HGD: variants seen among roughly 807,000 people sequenced by gnomAD.
The protein encoded by HGD is homogentisate oxidase.
HGD carries 61 observed loss-of-function variants against 60.8 expected under a neutral mutation model. The observed-to-expected ratio is 1.00, with a 90% CI of 0.82 to 1.24. The LOEUF is 1.24. HGD is among the 50% of genes most tolerant of loss of function. The pLI is 0.00. For missense variants in HGD, 542 were observed against 547.1 expected (o/e 0.99, Z 0.09); for synonymous variants, 212 against 187.7 (o/e 1.13, Z -1.06).
intron 4 of HGD, among the ~76,000 whole-genome samples, chr3:120,661,242 G>A (rs1438004010): frequency 2.0e-5 from 3 of 152,032 alleles, no homozygotes; most frequent in Non-Finnish European, 4.4e-5. Context: ...TCCTTTTAAT[G>A]GTCTTGTACC....
rs761067152 is a variant in HGD, at chr3:120,638,598, AGAGACT to A, written c.880-23_880-18del. 4.3e-5 allele frequency: 70 copies of A among 1,613,586 alleles called. No individual in the cohort carries two copies. The highest frequency in any genetic ancestry group is 5.3e-5 in the Non-Finnish European group (63 of 1,179,818). On this transcript the variant is annotated intron_variant, in intron 11 of 13. Transcript: ENST00000283871. ...GGATGGGTCCTGTGAACACACAAGG[AGAGACT>A]GAACGCATGATGCAAGGGAAGTGAC... is the stretch of plus-strand genomic sequence containing the variant.
intron 11 of HGD, 60 bp from the exon 12 acceptor site, chr3:120,638,641 A>G: frequency 1.2e-6 from 2 of 1,600,648 alleles, no homozygotes. Flanking sequence ...GGACAATGAC[A>G]CACATTTCAT....
At chr3:120,646,940 G>C in intron 8 of HGD, 33 bp downstream of exon 8, 3 of 1,534,310 alleles carry the variant, frequency 2.0e-6, no homozygotes, top group Non-Finnish European at 2.7e-6. Context: ...AAATTAGTGA[G>C]AGGCAGGGAA....
chr3:120,662,089 T>G (rs1240476090), intron 4 of HGD, among the ~76,000 whole-genome samples: 1 of 152,150 alleles, frequency 6.6e-6, no homozygotes, highest in Admixed American at 6.5e-5. Context: ...TGACGATGGT[T>G]CTAGTGTGAC....
chr3:120,674,835 A>C, intron 3 of HGD, 66 bp downstream of exon 3: 1 of 1,051,832 alleles, frequency 9.5e-7, no homozygotes, highest in Non-Finnish European at 1.5e-6. Context: ...CAGGGGAAGG[A>C]GGCAGCACAA....
chr3:120,644,185 C>T (rs1941083527), intron 10 of HGD, 134 bp downstream of exon 10: 2 of 1,029,544 alleles, frequency 1.9e-6, no homozygotes, highest in African/African-American at 1.6e-5. Flanking sequence ...GAACTATTTG[C>T]TTTATTTGTA....
At chr3:120,655,763 A>G (rs945619040) in intron 4 of HGD, among the ~76,000 whole-genome samples, 3 of 152,192 alleles carry the variant, frequency 2.0e-5, no homozygotes, top group Non-Finnish European at 2.9e-5. Flanking sequence ...GAGTGCACTG[A>G]AGACTTGGTT....
chr3:120,661,880 G>A (rs954650266), intron 4 of HGD, among the ~76,000 whole-genome samples: 1 of 152,290 alleles, frequency 6.6e-6, no homozygotes, highest in East Asian at 1.9e-4. Context: ...AAATACTTGC[G>A]ATTCTATTTG....
intron 4 of HGD, among the ~76,000 whole-genome samples, chr3:120,665,439 G>T (rs972340584): frequency 6.6e-6 from 1 of 152,186 alleles, no homozygotes; most frequent in African/African-American, 2.4e-5. Flanking sequence ...AATTCTAGCT[G>T]AAATCTGTAA....
intron 8 of HGD, 147 bp from the exon 9 acceptor site, chr3:120,646,513 A>G: frequency 1.5e-6 from 1 of 658,006 alleles, no homozygotes; most frequent in East Asian, 2.7e-5. Flanking sequence ...CAAACATGAA[A>G]AACTGAATTT....
intron 6 of HGD, among the ~76,000 whole-genome samples, chr3:120,649,075 G>T (rs1168706533): frequency 6.6e-6 from 1 of 151,118 alleles, no homozygotes; most frequent in Non-Finnish European, 1.5e-5. Context: ...CTCTTGTTTA[G>T]GTTCCTAATT....
chr3:120,647,009 C>T lies in HGD; in HGVS notation c.513G>A (p.Lys171=). Residue 171 remains lysine (K), a synonymous_variant, in exon 8 of 14, where the codon AAG becomes AAA. Coordinates refer to ENST00000283871, the MANE Select transcript of HGD (RefSeq NM_000187.4). ...AGATCTCATTGGGCTGTACAAGCAT[C>T]TTGCCAAACTCGGTGTAAATGAGAA... is the stretch of plus-strand genomic sequence containing the variant. ...GNLLIYTEFG[K]MLVQPNEICV... The T allele has an allele frequency of 6.2e-7, 1 of 1,614,116 alleles. No individual in the cohort carries two copies. The highest frequency in any genetic ancestry group is 8.5e-7 in the Non-Finnish European group (1 of 1,179,980).
At chr3:120,672,974 G>A (rs1200129508) in intron 3 of HGD, among the ~76,000 whole-genome samples, 7 of 152,182 alleles carry the variant, frequency 4.6e-5, no homozygotes, top group African/African-American at 1.2e-4. Flanking sequence ...AGGTAGGTAC[G>A]TAGGTAGGTA....
chr3:120,668,195 A>C (rs1345090089), intron 4 of HGD, among the ~76,000 whole-genome samples: 4 of 152,206 alleles, frequency 2.6e-5, no homozygotes, highest in Non-Finnish European at 5.9e-5. Context: ...TTTAGACAAA[A>C]TATCTTAGTT....
intron 4 of HGD, among the ~76,000 whole-genome samples, chr3:120,659,941 A>C (rs2320006): frequency 0.024 from 2,950 of 123,874 alleles, 106 homozygotes; most frequent in African/African-American, 0.077. Flanking sequence ...AGCAAGAGAG[A>C]GTGGGGGGTG....
chr3:120,650,605 T>C (rs1206902464), intron 6 of HGD, among the ~76,000 whole-genome samples, 169 bp downstream of exon 6: 1 of 152,250 alleles, frequency 6.6e-6, no homozygotes. Flanking sequence ...GTCTCATTCA[T>C]TATCATTGTC....
chr3:120,653,761 G>C (rs1941412080), intron 4 of HGD, among the ~76,000 whole-genome samples: 1 of 152,174 alleles, frequency 6.6e-6, no homozygotes, highest in African/African-American at 2.4e-5. Context: ...TATCTCTTAG[G>C]GGTATAATAG....
chr3:120,653,231 G>A (rs1941396670), intron 4 of HGD, among the ~76,000 whole-genome samples: 1 of 152,226 alleles, frequency 6.6e-6, no homozygotes, highest in Non-Finnish European at 1.5e-5. Flanking sequence ...TAGGCTGCCT[G>A]ACAGTTCAGT....
In HGD at chr3:120,647,002, C is replaced by A; in HGVS notation, c.520G>T (p.Val174Leu). 1 of 1,614,052 alleles carries A rather than the reference C, an allele frequency of 6.2e-7. No homozygotes were observed. The highest frequency in any genetic ancestry group is 1.1e-5 in the South Asian group (1 of 91,084). Reference protein sequence around the residue: ...LIYTEFGKMLVQPNEICVIQR... With the variant: ...LIYTEFGKMLLQPNEICVIQR... The stretch of plus-strand genomic sequence containing the variant: ...ATGACGCAGATCTCATTGGGCTGTA[C>A]AAGCATCTTGCCAAACTCGGTGTAA... Residue 174 changes from valine to leucine, a missense_variant, in exon 8 of 14, where the codon GTA (valine) becomes TTA (leucine). By Grantham distance (32) the Val-to-Leu change is conservative. Coordinates refer to ENST00000283871, the MANE Select transcript of HGD (RefSeq NM_000187.4).
Sources: gnomAD v4.1 joint callset for allele counts (sites outside exome capture counted in the v4.1 genomes callset) on GRCh38, gnomAD v4.1.1 for gene constraint, MANE v1.5 for transcripts, NCBI Gene and HGNC (gene_info 2026-07-23, HGNC 2026-07-21) for gene names.